The following MYO16 variants were observed in gnomAD, a reference collection of about 807,000 sequenced individuals.
The protein encoded by MYO16 is unconventional myosin-XVI.
MYO16 carries 94 observed loss-of-function variants against 205.3 expected under a neutral mutation model. The observed-to-expected ratio is 0.46, with a 90% CI of 0.39 to 0.54. The LOEUF is 0.54. Among genes scored for constraint, MYO16 ranks in the 20% least tolerant of loss-of-function variants. The pLI is 0.00. For missense variants in MYO16, 2,315 were observed against 2,387.5 expected (o/e 0.97, Z 0.63); for synonymous variants, 988 against 954.0 (o/e 1.04, Z -0.66).
At position 108,806,765 on chromosome 13, in the gene MYO16, G is replaced by A; in HGVS notation, c.828G>A (p.Gln276=). Reference sequence around the variant, plus strand: ...GAGACCTCAACATAGTAGATGATCAGTACTGGACTCCCCTCCACTTGGCAG... The same window carrying A: ...GAGACCTCAACATAGTAGATGATCAATACTGGACTCCCCTCCACTTGGCAG... ...HGGDLNIVDD[Q]YWTPLHLAAK... Residue 276 remains glutamine (Q), a synonymous_variant, in exon 7 of 35, where the codon CAG becomes CAA. Coordinates refer to ENST00000457511, the MANE Select transcript of MYO16 (RefSeq NM_001198950.3). 1 of 1,587,314 alleles carries A rather than the reference G, an allele frequency of 6.3e-7. No homozygotes were observed. The highest frequency in any genetic ancestry group is 2.2e-5 in the East Asian group (1 of 44,558).
At chr13:108,892,163 A>C (rs1317016049) in intron 14 of MYO16, among the ~76,000 whole-genome samples, 1 of 152,212 alleles carries the variant, frequency 6.6e-6, no homozygotes, top group Admixed American at 6.5e-5. Context: ...CTGTGGTATC[A>C]TGTGTGTTCA....
chr13:108,496,646 C>T, the MYO16 span, among the ~76,000 whole-genome samples: 1 of 152,198 alleles, frequency 6.6e-6, no homozygotes, highest in Non-Finnish European at 1.5e-5. Context: ...TAGTACGCCC[C>T]CGAAAGGAAA....
At chr13:108,691,250 TACTTC>T (rs1264068879) in intron 2 of MYO16, among the ~76,000 whole-genome samples, 2 of 152,138 alleles carry the variant, frequency 1.3e-5, no homozygotes, top group Non-Finnish European at 2.9e-5. Context: ...CCACTTCATT[TACTTC>T]ACTTATTCTT....
At chr13:108,824,921 A>G (rs776628973) in intron 9 of MYO16, among the ~76,000 whole-genome samples, 2 of 152,126 alleles carry the variant, frequency 1.3e-5, no homozygotes, top group Non-Finnish European at 2.9e-5. Flanking sequence ...GTCATCAAAA[A>G]CTTCTCACAG....
chr13:109,004,402 A>C (rs1242343936), intron 21 of MYO16, among the ~76,000 whole-genome samples: 3 of 152,204 alleles, frequency 2.0e-5, no homozygotes, highest in African/African-American at 7.2e-5. Flanking sequence ...TTATAACAAA[A>C]TTACCTTATT....
At chr13:109,073,389 G>A (rs1887988288) in intron 27 of MYO16, among the ~76,000 whole-genome samples, 1 of 151,236 alleles carries the variant, frequency 6.6e-6, no homozygotes, top group African/African-American at 2.4e-5. Context: ...GTGATTACAG[G>A]CATGAGCCAC....
rs931190373 is a variant in MYO16 at position 108,847,180 on chromosome 13, C to T, written c.1248+2687C>T. Among the ~76,000 whole-genome samples the T allele has an allele frequency of 2.7e-4, 41 of 152,230 alleles. No homozygotes were observed. The East Asian group carries it at 5.0e-3, about 19-fold the overall frequency. ...GTGTTCTTCAAATATAAGACATTCA[C>T]GACATAAAAATATCAAGTGTAATCT... On this transcript the variant is annotated intron_variant, in intron 10 of 34. Transcript: ENST00000457511.
intron 16 of MYO16, among the ~76,000 whole-genome samples, chr13:108,938,048 T>G (rs1882568109): frequency 6.6e-6 from 1 of 152,188 alleles, no homozygotes; most frequent in Non-Finnish European, 1.5e-5. Context: ...CATGTGTTTT[T>G]TTTCTTTCTT....
intron 27 of MYO16, 41 bp from the exon 28 acceptor site, chr13:109,100,744 C>A: frequency 6.7e-7 from 1 of 1,492,714 alleles, no homozygotes; most frequent in Non-Finnish European, 9.3e-7. Context: ...ATGTGCTTGG[C>A]AAATGCAGTC....
chr13:109,079,174 CAG>C, intron 27 of MYO16, among the ~76,000 whole-genome samples: 1 of 152,236 alleles, frequency 6.6e-6, no homozygotes, highest in East Asian at 1.9e-4. Context: ...TCAGCTGGGG[CAG>C]AGTTAGGGAT....
chr13:109,029,131 TGAGATGGAGTTTTGCTC>T (rs1886469775), intron 23 of MYO16, among the ~76,000 whole-genome samples: 2 of 137,994 alleles, frequency 1.4e-5, no homozygotes, highest in Non-Finnish European at 3.1e-5. Context: ...TTTTTTTTTT[TGAGATGGAGTTTTGCTC>T]TTGTTGCCCA....
chr13:108,935,064 T>C (rs1220519000), intron 16 of MYO16, among the ~76,000 whole-genome samples: 1 of 152,140 alleles, frequency 6.6e-6, no homozygotes, highest in African/African-American at 2.4e-5. Flanking sequence ...GTGATGCTTC[T>C]GGCTTTGTTC....
intron 5 of MYO16, among the ~76,000 whole-genome samples, chr13:108,788,141 G>A (rs758129526): frequency 1.3e-5 from 2 of 151,998 alleles, no homozygotes; most frequent in African/African-American, 4.8e-5. Context: ...GTGCAGTTTC[G>A]CATCCGAGTA....
At chr13:108,592,376 C>A (rs1261418969), upstream of MYO16, among the ~76,000 whole-genome samples, 4 of 91,714 alleles carry the variant, frequency 4.4e-5, no homozygotes, top group Middle Eastern at 7.0e-3. Context: ...GGGGTGTAGG[C>A]GGCTGTGTGT....
chr13:108,820,416 G>A lies in MYO16; in HGVS notation c.943+4G>A. ...TGTAATGAGGAGAAGGCGTCAGGTA[G>A]GTTAGGAGCATCCTTGGACCATTGA... On this transcript the variant is annotated splice_donor_region_variant and intron_variant, in intron 8 of 34. Transcript: ENST00000457511. The A allele has an allele frequency of 6.2e-7, 1 of 1,601,150 alleles. No homozygotes were observed. The highest frequency in any genetic ancestry group is 2.3e-5 in the East Asian group (1 of 43,836).
intron 21 of MYO16, among the ~76,000 whole-genome samples, chr13:109,008,390 A>ACTAT (rs1252564962): frequency 7.2e-6 from 1 of 139,792 alleles, no homozygotes; most frequent in Non-Finnish European, 1.5e-5. Context: ...GCACTACTGT[A>ACTAT]CTATCTTGTG....
chr13:108,996,658 G>T (rs1350704840), intron 21 of MYO16, among the ~76,000 whole-genome samples: 1 of 152,124 alleles, frequency 6.6e-6, no homozygotes, highest in Non-Finnish European at 1.5e-5. Context: ...CCATAGGTTG[G>T]TACTTACTGA....
intron 3 of MYO16, among the ~76,000 whole-genome samples, chr13:108,716,830 C>A (rs573170954): frequency 1.3e-5 from 2 of 152,272 alleles, no homozygotes; most frequent in East Asian, 3.9e-4. Flanking sequence ...ATTTGAGAAA[C>A]ATATTTTAAT....
intron 4 of MYO16, among the ~76,000 whole-genome samples, chr13:108,734,347 C>A (rs955368971): frequency 6.6e-6 from 1 of 152,114 alleles, no homozygotes; most frequent in African/African-American, 2.4e-5. Context: ...TATTTACCAT[C>A]CCTTCTTCTC....
Sources: gnomAD v4.1 joint callset for allele counts (sites outside exome capture counted in the v4.1 genomes callset) on GRCh38, gnomAD v4.1.1 for gene constraint, MANE v1.5 for transcripts, NCBI Gene and HGNC (gene_info 2026-07-23, HGNC 2026-07-21) for gene names.